Variants in PCDHGB7 observed in about 807,000 individuals in gnomAD.
The protein encoded by PCDHGB7 is protocadherin gamma-B7.
Under a neutral mutation model 61.4 loss-of-function variants are expected in PCDHGB7, and 37 were observed. The ratio of observed to expected loss-of-function variants is 0.60; its 90% CI spans 0.46 to 0.79. The LOEUF (loss-of-function observed/expected upper bound fraction) is 0.79, where lower values mean the gene tolerates loss of function less well. Ranked by LOEUF, PCDHGB7 falls within the 30% of genes least tolerant of loss-of-function variation. PCDHGB7 has a pLI of 0.00. For missense variants in PCDHGB7, 1,166 were observed against 1,202.5 expected (o/e 0.97, Z 0.45); for synonymous variants, 464 against 503.5 (o/e 0.92, Z 1.05).
intron 1 of PCDHGB7, among the ~76,000 whole-genome samples, chr5:141,461,233 G>T (rs2099011336): frequency 6.6e-6 from 1 of 152,028 alleles, no homozygotes; most frequent in East Asian, 1.9e-4. Context: ...CATAGAGGTT[G>T]TACTAATTTA....
rs746642302 is a variant in PCDHGB7, at chr5:141,491,107, A to G, written c.2416-3700A>G. The stretch of plus-strand genomic sequence containing the variant: ...AGCCCCAGGACTGTTCCTCGTGTCT[A>G]CACACACTGGTGAGGTGCGCACAGC... On this transcript the variant is annotated intron_variant, in intron 1 of 3. Coordinates refer to ENST00000398594, the MANE Select transcript of PCDHGB7 (RefSeq NM_018927.4). The surrounding 1 kb of genome is among the most constrained non-coding windows in gnomAD (Gnocchi z 6.9). 2.5e-6 allele frequency: 4 copies of G among 1,614,148 alleles called. No homozygotes were observed. Among genetic ancestry groups the G allele is most frequent in the Non-Finnish European group, 2.5e-6 (3 of 1,180,014 alleles).
chr5:141,468,815 A>G (rs866523229), intron 1 of PCDHGB7, among the ~76,000 whole-genome samples: 7 of 151,958 alleles, frequency 4.6e-5, no homozygotes, highest in Middle Eastern at 3.4e-3. Context: ...GCAGTGAGCC[A>G]AGATCAAGCC....
rs1025148587 is a variant in PCDHGB7, at chr5:141,431,434, C to T, written c.2415+11160C>T. ...GGGGCGACCCGGTGCGCACAGGCAC[C>T]GCGCGCATCCGCGTGATGGTTCTGG... On this transcript the variant is annotated intron_variant, in intron 1 of 3. Transcript: ENST00000398594. This position sits in a 1 kb window ranked among gnomAD's most constrained non-coding sequence, Gnocchi z 4.8. The T allele has an allele frequency of 6.2e-7, 1 of 1,613,690 alleles. No homozygotes were observed. The highest frequency in any genetic ancestry group is 1.3e-5 in the African/African-American group (1 of 75,072).
At chr5:141,472,172 T>A (rs548514406) in intron 1 of PCDHGB7, among the ~76,000 whole-genome samples, 11 of 152,326 alleles carry the variant, frequency 7.2e-5, no homozygotes, top group African/African-American at 2.6e-4. Context: ...AGGTGTAATA[T>A]CCAGTATTGG....
intron 1 of PCDHGB7, chr5:141,423,261 C>T (rs1181343306): frequency 6.2e-7 from 1 of 1,613,870 alleles, no homozygotes; most frequent in Non-Finnish European, 8.5e-7. Flanking sequence ...ACCTCGGCAG[C>T]CTCGAGTCTC....
At chr5:141,443,383 G>A (rs1302172660) in intron 1 of PCDHGB7, among the ~76,000 whole-genome samples, 1 of 152,130 alleles carries the variant, frequency 6.6e-6, no homozygotes, top group Non-Finnish European at 1.5e-5. Flanking sequence ...TACTTGGGAG[G>A]CTGAGGTGTG....
rs866649962 is a variant in PCDHGB7 at position 141,482,106 on chromosome 5, T to A, written c.2416-12701T>A. Reference sequence around the variant, plus strand: ...CTCCATCTCAAAAAAAAAAAAAAAATATCTAGAGATGGGAGAATCATATGG... The same window carrying A: ...CTCCATCTCAAAAAAAAAAAAAAAAAATCTAGAGATGGGAGAATCATATGG... On this transcript the variant is annotated intron_variant, in intron 1 of 3. Transcript: ENST00000398594. 2.5e-3 allele frequency among the ~76,000 whole-genome samples: 342 copies of A among 138,882 alleles called. 1 individual carries two copies. Among genetic ancestry groups the A allele is most frequent in the Middle Eastern group, 0.011 (3 of 272 alleles). 91.1% of individuals were successfully genotyped at this position (138,882 alleles called of 152,430 possible). A position where few individuals can be genotyped will look rare whatever the true frequency, so the allele number is the denominator to read the frequency against.
At position 141,419,632 on chromosome 5, in the gene PCDHGB7, G is replaced by A. The variant is rs1210031265; in HGVS notation, c.1773G>A (p.Val591=). 6.2e-7 allele frequency: 1 copy of A among 1,612,432 alleles called. No homozygotes were observed. The highest frequency in any genetic ancestry group is 1.7e-5 in the Admixed American group (1 of 60,004). ...AGCCAGGCTACCTGGTGACCAAGGT[G>A]GTGGCCGTGGACGCGGACTCGGGGC... is the stretch of plus-strand genomic sequence containing the variant. ...AAQPGYLVTK[V]VAVDADSGHN... is the part of the protein sequence containing the mutation. Residue 591 remains valine (V), a synonymous_variant, in exon 1 of 4, where the codon GTG becomes GTA. Transcript: ENST00000398594.
chr5:141,455,852 T>C (rs2154565235), intron 1 of PCDHGB7, among the ~76,000 whole-genome samples: 1 of 148,622 alleles, frequency 6.7e-6, no homozygotes, highest in South Asian at 2.1e-4. Context: ...CATAAAATAA[T>C]TTCTTTTATT....
chr5:141,485,938 A>G lies in PCDHGB7; in HGVS notation c.2416-8869A>G. The stretch of plus-strand genomic sequence containing the variant: ...ACAGGATTAGTGTGTTGGAGAGCGC[A>G]CCAGCGGGCATGGTGCTCATCCAGC... On this transcript the variant is annotated intron_variant, in intron 1 of 3. Transcript: ENST00000398594. The surrounding 1 kb of genome is among the most constrained non-coding windows in gnomAD (Gnocchi z 5.7). 6.2e-7 allele frequency: 1 copy of G among 1,614,162 alleles called. No individual in the cohort carries two copies. The highest frequency in any genetic ancestry group is 1.3e-5 in the African/African-American group (1 of 75,028).
intron 1 of PCDHGB7, among the ~76,000 whole-genome samples, chr5:141,450,061 C>A (rs1219642208): frequency 7.2e-6 from 1 of 139,334 alleles, no homozygotes; most frequent in Non-Finnish European, 1.5e-5. Context: ...GGCTGGAATG[C>A]AGTGGTATGA....
chr5:141,504,583 A>G (rs1230825472), intron 2 of PCDHGB7, among the ~76,000 whole-genome samples: 1 of 146,622 alleles, frequency 6.8e-6, no homozygotes, highest in African/African-American at 2.5e-5. Flanking sequence ...CCATCTGCCC[A>G]GGATTCACAG....
At chr5:141,429,469 T>C (rs547784462) in intron 1 of PCDHGB7, among the ~76,000 whole-genome samples, 4 of 151,932 alleles carry the variant, frequency 2.6e-5, no homozygotes, top group African/African-American at 4.8e-5. Context: ...CCCACCTCAA[T>C]CTCCAGAGTA....
chr5:141,478,420 C>A, intron 1 of PCDHGB7: 1 of 1,613,676 alleles, frequency 6.2e-7, no homozygotes, highest in Non-Finnish European at 8.5e-7. Context: ...ACTCCCGCCG[C>A]AGCGACCCGC....
intron 3 of PCDHGB7, 72 bp from the exon 4 acceptor site, chr5:141,510,875 C>T: frequency 6.2e-7 from 1 of 1,610,120 alleles, no homozygotes; most frequent in Admixed American, 1.7e-5. Context: ...TCATTAACTG[C>T]TGGGGATATA....
intron 1 of PCDHGB7, chr5:141,422,988 C>T: frequency 6.2e-7 from 1 of 1,614,232 alleles, no homozygotes; most frequent in Non-Finnish European, 8.5e-7. Context: ...AACCTGGCTA[C>T]CTGGTGACCA....
chr5:141,428,050 T>C (rs1222417053), intron 1 of PCDHGB7: 1 of 1,608,844 alleles, frequency 6.2e-7, no homozygotes, highest in Non-Finnish European at 8.5e-7. Flanking sequence ...GTGACCAAGG[T>C]GGTGGCGGTG....
intron 1 of PCDHGB7, among the ~76,000 whole-genome samples, chr5:141,466,063 A>G (rs554503713): frequency 3.3e-5 from 5 of 152,268 alleles, no homozygotes; most frequent in Admixed American, 6.5e-5. Context: ...CGGAGCTTGC[A>G]GTGAGCTGAT....
In PCDHGB7 at chr5:141,485,222, C is replaced by A; in HGVS notation, c.2416-9585C>A. The A allele has an allele frequency of 6.2e-7, 1 of 1,614,196 alleles. No homozygotes were observed. The highest frequency in any genetic ancestry group is 8.5e-7 in the Non-Finnish European group (1 of 1,180,020). On this transcript the variant is annotated intron_variant, in intron 1 of 3. Transcript: ENST00000398594. This position sits in a 1 kb window ranked among gnomAD's most constrained non-coding sequence, Gnocchi z 5.7. ...GACAGAAATCTGGCGGTGGGCTACC[C>A]TTTTGTTCCTCTTTTACCACCTGGG...
Sources: gnomAD v4.1 joint callset for allele counts (sites outside exome capture counted in the v4.1 genomes callset) on GRCh38, gnomAD v4.1.1 for gene constraint, Gnocchi (gnomAD v3.1) non-coding constraint, MANE v1.5 for transcripts, NCBI Gene and HGNC (gene_info 2026-07-23, HGNC 2026-07-21) for gene names.